Variants in ROBO2 observed in about 807,000 individuals in gnomAD.
The protein encoded by ROBO2 is roundabout guidance receptor 2.
ROBO2 carries 53 observed loss-of-function variants against 160.8 expected under a neutral mutation model. The observed-to-expected ratio is 0.33, with a 90% confidence interval of 0.26 to 0.41. ROBO2 has a LOEUF of 0.41. Among genes scored for constraint, ROBO2 ranks in the 10% least tolerant of loss-of-function variants. The probability of loss-of-function intolerance (pLI) is 1.00; values close to 1 mark genes in which losing one functional copy is unlikely to be tolerated. For synonymous variants in ROBO2, 664 were observed against 611.7 expected, an observed-to-expected ratio of 1.09 and a Z score of -1.26; for missense variants, 1,577 against 1,722.4, an observed-to-expected ratio of 0.92 and a Z score of 1.49.
At chr3:76,127,125 C>A (rs145380292) in intron 2 of ROBO2, among the ~76,000 whole-genome samples, 11 of 152,178 alleles carry the variant, frequency 7.2e-5, no homozygotes, top group African/African-American at 2.4e-4. Context: ...TAAAGATGAT[C>A]CATTACTATG....
intron 2 of ROBO2, among the ~76,000 whole-genome samples, chr3:76,543,637 C>T (rs73129129): frequency 0.035 from 5,329 of 152,044 alleles, 97 homozygotes; most frequent in South Asian, 0.048. Context: ...TCTGTGACCA[C>T]GGTTTTGATG....
At chr3:76,915,924 T>C (rs905834060) in intron 2 of ROBO2, among the ~76,000 whole-genome samples, 4 of 152,176 alleles carry the variant, frequency 2.6e-5, no homozygotes, top group Admixed American at 1.3e-4. Flanking sequence ...TTCTTCTTGC[T>C]GTATCCTCAT....
intron 2 of ROBO2, among the ~76,000 whole-genome samples, chr3:76,216,347 T>A (rs1703527086): frequency 6.6e-6 from 1 of 152,164 alleles, no homozygotes. Context: ...AATACTCCAA[T>A]TAAAAGACAC....
intron 2 of ROBO2, among the ~76,000 whole-genome samples, chr3:77,249,549 ATAAT>A (rs1461146353): frequency 6.6e-6 from 1 of 152,132 alleles, no homozygotes; most frequent in Non-Finnish European, 1.5e-5. Context: ...ATTGCAAGAG[ATAAT>A]TAGTTTCAGC....
chr3:77,475,068 TGA>T (rs71104689), intron 2 of ROBO2, among the ~76,000 whole-genome samples: 1 of 150,356 alleles, frequency 6.7e-6, no homozygotes, highest in Non-Finnish European at 1.5e-5. Flanking sequence ...GTTTTTCAAC[TGA>T]GAGAGAGAGA....
chr3:77,427,063 G>A (rs2078284705), intron 2 of ROBO2, among the ~76,000 whole-genome samples: 1 of 152,134 alleles, frequency 6.6e-6, no homozygotes, highest in Non-Finnish European at 1.5e-5. Context: ...TTTCTACATG[G>A]AAGGTGTGCC....
At chr3:76,423,076 T>C (rs2076060478) in intron 2 of ROBO2, among the ~76,000 whole-genome samples, 2 of 152,144 alleles carry the variant, frequency 1.3e-5, no homozygotes, top group Non-Finnish European at 2.9e-5. Context: ...GGAGGGACAG[T>C]GAAAGGCATG....
At chr3:76,741,563 T>C (rs2093802309) in intron 2 of ROBO2, among the ~76,000 whole-genome samples, 1 of 152,038 alleles carries the variant, frequency 6.6e-6, no homozygotes, top group Non-Finnish European at 1.5e-5. Context: ...AGATAGTTGA[T>C]TGAGGAGGTA....
At chr3:76,004,049 G>A (rs1206924771) in intron 2 of ROBO2, among the ~76,000 whole-genome samples, 1 of 152,050 alleles carries the variant, frequency 6.6e-6, no homozygotes, top group Non-Finnish European at 1.5e-5. Context: ...TCAATTCCTG[G>A]ATGTTTACCC....
rs77302300 is a variant in ROBO2, at chr3:76,113,717, A to C, written c.109+176115A>C. 6.1e-3 allele frequency among the ~76,000 whole-genome samples: 923 copies of C among 152,236 alleles called. 6 individuals are homozygous for C. The highest frequency in any genetic ancestry group is 0.021 in the African/African-American group (864 of 41,560). On this transcript the variant is annotated intron_variant, in intron 2 of 26. Coordinates refer to the ROBO2 transcript ENST00000487694. Reference sequence around the variant, plus strand: ...ATGCACTTATAAGGCCAGAACCCTCATAATATAGATTGGATGTTTTGCCTT... The same window carrying C: ...ATGCACTTATAAGGCCAGAACCCTCCTAATATAGATTGGATGTTTTGCCTT...
intron 25 of ROBO2, among the ~76,000 whole-genome samples, 198 bp from the exon 28 acceptor site, chr3:77,645,856 A>C (rs184796418): frequency 6.6e-6 from 1 of 152,164 alleles, no homozygotes; most frequent in African/African-American, 2.4e-5. Context: ...GGGTGTTTAC[A>C]TTTCCAAATT....
chr3:77,566,324 G>A (rs1468486715), intron 12 of ROBO2, among the ~76,000 whole-genome samples: 1 of 151,980 alleles, frequency 6.6e-6, no homozygotes, highest in East Asian at 1.9e-4. Context: ...GGGCCTGTAG[G>A]TAAAGAACCT....
At chr3:77,425,334 G>C (rs936962429) in intron 2 of ROBO2, among the ~76,000 whole-genome samples, 2 of 152,118 alleles carry the variant, frequency 1.3e-5, no homozygotes, top group Admixed American at 6.5e-5. Flanking sequence ...CAGATGATGT[G>C]GTAAAAAGCA....
rs566172170 is a variant in ROBO2 at position 76,904,646 on chromosome 3, T to C, written c.110-193368T>C. Among the ~76,000 whole-genome samples the C allele has an allele frequency of 8.5e-5, 13 of 152,148 alleles. No individual in the cohort carries two copies. In the South Asian group the frequency reaches 2.7e-3, roughly 32 times the overall value. ...GTTCTCCATCCCGTGGCTCAGAGGGTCTGGGATTTAAGAACAGGCTCCTGT... is the reference window on the plus strand; with the variant it reads ...GTTCTCCATCCCGTGGCTCAGAGGGCCTGGGATTTAAGAACAGGCTCCTGT... On this transcript the variant is annotated intron_variant, in intron 2 of 26. Coordinates refer to the ROBO2 transcript ENST00000487694.
chr3:77,165,218 G>GA (rs1485626083), intron 2 of ROBO2, among the ~76,000 whole-genome samples: 1 of 150,412 alleles, frequency 6.6e-6, no homozygotes, highest in Non-Finnish European at 1.5e-5. Context: ...TCTGCACTAA[G>GA]AAAAATTCTT....
chr3:76,165,161 A>G (rs992743905), intron 2 of ROBO2, among the ~76,000 whole-genome samples: 33 of 152,166 alleles, frequency 2.2e-4, no homozygotes, highest in African/African-American at 8.0e-4. Context: ...TTCCAGTACG[A>G]GGCTGTTTTG....
intron 4 of ROBO2, among the ~76,000 whole-genome samples, chr3:77,485,768 T>C (rs2085277660): frequency 6.6e-6 from 1 of 152,142 alleles, no homozygotes; most frequent in African/African-American, 2.4e-5. Flanking sequence ...ATTTGAATTT[T>C]GTTTTATTTT....
At chr3:76,072,939 C>A (rs997428555) in intron 2 of ROBO2, among the ~76,000 whole-genome samples, 1 of 152,158 alleles carries the variant, frequency 6.6e-6, no homozygotes, top group Non-Finnish European at 1.5e-5. Flanking sequence ...GAAAGTACCT[C>A]CCAGGACAAA....
chr3:77,122,762 G>C (rs2074904017), intron 2 of ROBO2, among the ~76,000 whole-genome samples: 1 of 152,152 alleles, frequency 6.6e-6, no homozygotes, highest in Admixed American at 6.5e-5. Flanking sequence ...TATTAAAACA[G>C]TTTTGTCTTG....
Sources: allele counts gnomAD v4.1 joint callset (sites outside exome capture counted in the v4.1 genomes callset), GRCh38; gene constraint gnomAD v4.1.1; transcripts MANE v1.5; gene names NCBI Gene and HGNC (gene_info 2026-07-23, HGNC 2026-07-21).